Variants in FAT2 observed in about 807,000 individuals in gnomAD.
FAT2 encodes protocadherin Fat 2.
In FAT2, 150 loss-of-function variants were observed where a neutral mutation model predicts 295.3. The observed-to-expected ratio is 0.51, with a 90% confidence interval of 0.44 to 0.58. The LOEUF (loss-of-function observed/expected upper bound fraction) is 0.58. Among genes scored for constraint, FAT2 ranks in the 20% least tolerant of loss-of-function variants. The probability of loss-of-function intolerance (pLI) is 0.00; values close to 1 mark genes in which losing one functional copy is unlikely to be tolerated. For missense variants in FAT2, 4,868 were observed against 5,442.7 expected (o/e 0.89, Z 3.32); for synonymous variants, 2,026 against 2,150.3 (o/e 0.94, Z 1.60).
intron 9 of FAT2, among the ~76,000 whole-genome samples, chr5:151,548,387 G>A (rs140348559): frequency 1.2e-4 from 18 of 151,694 alleles, no homozygotes; most frequent in African/African-American, 3.1e-4. Flanking sequence ...GGATATTATC[G>A]CTTTTGTTAT....
Position 151,512,466 on chromosome 5 carries a change from A to G in FAT2, c.11604T>C (p.Val3868=). The change falls in exon 21 of 24, where the codon GTT becomes GTC. Residue 3868 remains valine (V), a synonymous_variant. Transcript: ENST00000261800. This position sits in a 1 kb window ranked among gnomAD's most constrained non-coding sequence, Gnocchi z 4.1. ...EEMDASIRLM[V]DSMGNTSLVV... is the part of the protein sequence containing the mutation. ...CAAGGGAGGTGTTGCCCATGCTGTC[A>G]ACCATCAGGCGAATGGAAGCGTCCA... The G allele has an allele frequency of 6.2e-7, 1 of 1,614,222 alleles. No homozygotes were observed. Among genetic ancestry groups the G allele is most frequent in the Non-Finnish European group, 8.5e-7 (1 of 1,180,030 alleles).
At position 151,567,746 on chromosome 5, in the gene FAT2, C is replaced by T. The variant is rs1478206283; in HGVS notation, c.1186G>A (p.Val396Ile). Residue 396 changes from valine (V) to isoleucine (I), a missense_variant, in exon 2 of 24, where the codon GTT (valine) becomes ATT (isoleucine). By Grantham distance (29) the Val-to-Ile change is conservative. Transcript: ENST00000261800. ...VTPAFPNLQY[V>I]LKPSSENVGF... is the part of the protein sequence containing the mutation. ...ACATTCTCTGAAGATGGCTTTAGAA[C>T]ATACTGCAGGTTGGGGAAGGCTGGG... 1 of 1,614,064 alleles carries T rather than the reference C, an allele frequency of 6.2e-7. No homozygotes were observed. Among genetic ancestry groups the T allele is most frequent in the Non-Finnish European group, 8.5e-7 (1 of 1,180,046 alleles).
intron 16 of FAT2, among the ~76,000 whole-genome samples, 154 bp from the exon 17 acceptor site, chr5:151,527,531 T>C (rs1335284800): frequency 1.3e-5 from 2 of 152,066 alleles, no homozygotes; most frequent in Non-Finnish European, 2.9e-5. Context: ...GGGCTTAGGT[T>C]CTGGAGTCAG....
chr5:151,530,622 G>C (rs1277802590), intron 14 of FAT2, among the ~76,000 whole-genome samples: 1 of 152,212 alleles, frequency 6.6e-6, no homozygotes, highest in Admixed American at 6.5e-5. Flanking sequence ...GTTTCGAAAA[G>C]ACATTTATGA....
At chr5:151,586,696 C>A (rs180900191) in intron 1 of FAT2, among the ~76,000 whole-genome samples, 3 of 152,254 alleles carry the variant, frequency 2.0e-5, no homozygotes, top group Admixed American at 2.0e-4. Flanking sequence ...AAAAGCCATG[C>A]TCCTAAAAAT....
chr5:151,510,286 T>A, intron 21 of FAT2, 112 bp from the exon 22 acceptor site: 4 of 1,289,754 alleles, frequency 3.1e-6, no homozygotes, highest in Non-Finnish European at 4.4e-6. Context: ...TTTATTTATT[T>A]GGTTGCTCCC....
At chr5:151,555,583 T>C (rs1028069354) in intron 4 of FAT2, among the ~76,000 whole-genome samples, 2 of 151,920 alleles carry the variant, frequency 1.3e-5, no homozygotes, top group African/African-American at 4.8e-5. Context: ...TTGGCCAGGC[T>C]GGTCTTGAAC....
intron 12 of FAT2, among the ~76,000 whole-genome samples, chr5:151,537,220 A>AGAGGAG (rs71274346): frequency 6.6e-6 from 1 of 150,894 alleles, no homozygotes; most frequent in Non-Finnish European, 1.5e-5. Context: ...AGGAAGAAGA[A>AGAGGAG]GAGGAGGAGG....
rs778707746 is a variant in FAT2, at chr5:151,567,304, C to A, written c.1628G>T (p.Arg543Leu). ...AAAAATGGACACTTCCTTCTCCCGG[C>A]GAAAAGGGGATCCCCAGTCTGATGC... ...VRASDWGSPF[R>L]REKEVSIFLQ... The change falls in exon 2 of 24, where the codon CGC becomes CTC. Residue 543 changes from arginine to leucine, a missense_variant. By Grantham distance (102) the Arg-to-Leu change is moderately radical (BLOSUM62 -2). Transcript: ENST00000261800. 4 of 1,613,966 alleles carry A rather than the reference C, an allele frequency of 2.5e-6. No individual in the cohort carries two copies. The highest frequency in any genetic ancestry group is 3.3e-5 in the Admixed American group (2 of 60,010).
At chr5:151,556,856 A>G (rs1024825873) in intron 3 of FAT2, among the ~76,000 whole-genome samples, 1 of 152,156 alleles carries the variant, frequency 6.6e-6, no homozygotes, top group Non-Finnish European at 1.5e-5. Flanking sequence ...AGCATTTTCA[A>G]CTTATGATGG....
chr5:151,550,571 GA>G lies in FAT2; in HGVS notation c.4578+18del. On this transcript the variant is annotated intron_variant, in intron 8 of 23. Coordinates refer to ENST00000261800, the MANE Select transcript of FAT2 (RefSeq NM_001447.3). ...TCTACATGCAAACGTATTCTCACCAGATTTTTCCATTTACTCACCATGACTG... is the reference window on the plus strand; with the variant it reads ...TCTACATGCAAACGTATTCTCACCAGTTTTTCCATTTACTCACCATGACTG... 1 of 1,613,392 alleles carries G rather than the reference GA, an allele frequency of 6.2e-7. No homozygotes were observed. Among genetic ancestry groups the G allele is most frequent in the Non-Finnish European group, 8.5e-7 (1 of 1,179,598 alleles).
chr5:151,557,064 C>G (rs904531706), intron 3 of FAT2, among the ~76,000 whole-genome samples: 1 of 152,138 alleles, frequency 6.6e-6, no homozygotes, highest in African/African-American at 2.4e-5. Context: ...ATCGGCCCAC[C>G]ACGAGCAGCC....
chr5:151,591,136 G>A (rs540906401), intron 1 of FAT2, among the ~76,000 whole-genome samples, 29 bp downstream of exon 1: 2 of 152,280 alleles, frequency 1.3e-5, no homozygotes, highest in Non-Finnish European at 2.9e-5. Context: ...CCCCCCTCCC[G>A]CATCTTCCCA....
chr5:151,517,021 T>C (rs928842731), intron 20 of FAT2, among the ~76,000 whole-genome samples: 10 of 151,354 alleles, frequency 6.6e-5, no homozygotes, highest in African/African-American at 2.2e-4. Flanking sequence ...GGCAGGAGAA[T>C]CGCTTGAACC....
chr5:151,537,829 G>A lies in FAT2; in HGVS notation c.9157C>T (p.Pro3053Ser). ...TCCAGCTTGAATTCATGCGCCCCAG[G>A]GCCATGCAGAGAATATGTGATCTGA... ...NAQITYSLHG[P>S]GAHEFKLDPH... The change falls in exon 12 of 24, where the codon CCT becomes TCT. Residue 3053 changes from proline (P) to serine (S), a missense_variant. Physicochemically the swap from Pro to Ser is moderately conservative, Grantham distance 74. Around this residue, in one of 5 missense-constraint regions of FAT2, gnomAD observed 1,046 missense variants for 1,210.1 expected, o/e 0.86. Coordinates refer to ENST00000261800, the MANE Select transcript of FAT2 (RefSeq NM_001447.3). 6.2e-7 allele frequency: 1 copy of A among 1,613,960 alleles called. No individual in the cohort carries two copies. Among genetic ancestry groups the A allele is most frequent in the Non-Finnish European group, 8.5e-7 (1 of 1,179,900 alleles).
chr5:151,506,453 C>A (rs1301221585), intron 23 of FAT2, among the ~76,000 whole-genome samples: 1 of 149,492 alleles, frequency 6.7e-6, no homozygotes, highest in Non-Finnish European at 1.5e-5. Context: ...CTGAAGGAAA[C>A]ACACACACAG....
intron 19 of FAT2, among the ~76,000 whole-genome samples, chr5:151,518,377 T>TAATAATAATAATAATAATAATA (rs1554124056): frequency 7.8e-6 from 1 of 128,456 alleles, no homozygotes; most frequent in African/African-American, 4.4e-5. Flanking sequence ...TAATAATAAT[T>TAATAATAATAATAATAATAATA]TTTAAAAGAA....
Position 151,546,179 on chromosome 5 carries a change from C to T in FAT2, c.4948G>A (p.Val1650Ile), listed in dbSNP as rs145729602. 6.9e-5 allele frequency: 112 copies of T among 1,614,186 alleles called. 1 individual carries two copies. The African/African-American group carries it at 1.3e-3, about 19-fold the overall frequency. ...GGGGCACTCCTATCTGAGGGATAGA[C>T]ATGAATGATCACTGTAGCCAGGTCA... ...WHDLATVIIH[V>I]YPSDRSAPIF... The change falls in exon 10 of 24, where the codon GTC becomes ATC. Residue 1650 changes from valine to isoleucine, a missense_variant. Val to Ile is a conservative substitution (Grantham distance 29, BLOSUM62 3). Transcript: ENST00000261800.
intron 18 of FAT2, 127 bp downstream of exon 18, chr5:151,525,641 G>T: frequency 1.0e-6 from 1 of 983,238 alleles, no homozygotes; most frequent in Non-Finnish European, 1.5e-6. Flanking sequence ...GAAGGACCTA[G>T]CCCAGTGCCT....
Sources: allele counts gnomAD v4.1 joint callset (sites outside exome capture counted in the v4.1 genomes callset), GRCh38; gene constraint gnomAD v4.1.1; regional missense constraint gnomAD v4.1.1; non-coding constraint Gnocchi (gnomAD v3.1); transcripts MANE v1.5; gene names NCBI Gene and HGNC (gene_info 2026-07-23, HGNC 2026-07-21).